KCNQ3: variants seen among roughly 807,000 people sequenced by gnomAD.
KCNQ3 encodes potassium voltage-gated channel subfamily Q member 3.
Under a neutral mutation model 92.5 loss-of-function variants are expected in KCNQ3, and 30 were observed. The ratio of observed to expected loss-of-function variants is 0.32; its 90% confidence interval spans 0.24 to 0.44. KCNQ3 has a LOEUF of 0.44. Ranked by LOEUF, KCNQ3 falls within the 20% of genes least tolerant of loss-of-function variation. The pLI is 1.00. For missense variants in KCNQ3, 913 were observed against 1,140.3 expected (o/e 0.80, Z 2.87); for synonymous variants, 450 against 468.8 (o/e 0.96, Z 0.52).
intron 3 of KCNQ3, 54 bp from the exon 4 acceptor site, chr8:132,180,383 A>C (rs1184942622): frequency 6.3e-7 from 1 of 1,595,962 alleles, no homozygotes; most frequent in Non-Finnish European, 8.6e-7. Context: ...AGGTCATGCG[A>C]AAGCAATGGC....
chr8:132,401,848 C>T (rs1042987341), intron 1 of KCNQ3, among the ~76,000 whole-genome samples: 13 of 152,130 alleles, frequency 8.5e-5, no homozygotes, highest in Non-Finnish European at 1.6e-4. Flanking sequence ...ACTGCCCTGA[C>T]GTGGGGAGGG....
chr8:132,150,727 A>G (rs946484477), intron 9 of KCNQ3, among the ~76,000 whole-genome samples: 1 of 152,064 alleles, frequency 6.6e-6, no homozygotes. Flanking sequence ...ATGGAACCCC[A>G]GGAATTAATA....
chr8:132,174,360 A>G lies in KCNQ3; in HGVS notation c.934-11T>C, dbSNP rs1360284043. On this transcript the variant is annotated splice_polypyrimidine_tract_variant and intron_variant, in intron 5 of 14. Coordinates refer to ENST00000388996, the MANE Select transcript of KCNQ3 (RefSeq NM_004519.4). ...GGTGGCCAGTGTGATCTGAAGAGAG[A>G]AGAGTTCAGACATGGAGTACCACAT... The G allele has an allele frequency of 1.3e-6, 2 of 1,534,642 alleles. No homozygotes were observed. Among genetic ancestry groups the G allele is most frequent in the East Asian group, 2.4e-5 (1 of 40,852 alleles).
At chr8:132,319,261 G>A (rs976818668) in intron 1 of KCNQ3, among the ~76,000 whole-genome samples, 5 of 152,134 alleles carry the variant, frequency 3.3e-5, no homozygotes, top group African/African-American at 1.2e-4. Flanking sequence ...GAGAGATTGA[G>A]TAGCTTGTTT....
At chr8:132,372,901 C>A (rs1421867656) in intron 1 of KCNQ3, among the ~76,000 whole-genome samples, 1 of 152,064 alleles carries the variant, frequency 6.6e-6, no homozygotes, top group African/African-American at 2.4e-5. Flanking sequence ...AACTGCAGAG[C>A]TCGGCTCCTG....
At chr8:132,314,346 G>T (rs1817680016) in intron 1 of KCNQ3, among the ~76,000 whole-genome samples, 1 of 152,118 alleles carries the variant, frequency 6.6e-6, no homozygotes, top group Admixed American at 6.5e-5. Flanking sequence ...ACAGACAAAG[G>T]AAAACTATGC....
intron 1 of KCNQ3, among the ~76,000 whole-genome samples, chr8:132,302,004 G>A (rs1817230315): frequency 6.6e-6 from 1 of 152,206 alleles, no homozygotes; most frequent in South Asian, 2.1e-4. Flanking sequence ...TGGGGATATT[G>A]GGAAGCTTCT....
intron 1 of KCNQ3, among the ~76,000 whole-genome samples, chr8:132,428,556 G>A (rs1385450259): frequency 6.6e-6 from 1 of 152,144 alleles, no homozygotes; most frequent in Non-Finnish European, 1.5e-5. Flanking sequence ...CACATACAGA[G>A]AGAGAGAGAG....
At chr8:132,457,584 G>T (rs1255292602) in intron 1 of KCNQ3, among the ~76,000 whole-genome samples, 1 of 152,132 alleles carries the variant, frequency 6.6e-6, no homozygotes, top group Non-Finnish European at 1.5e-5. Context: ...CCCAGACTCT[G>T]ACACCGTTCC....
chr8:132,455,706 T>C (rs1821922881), intron 1 of KCNQ3, among the ~76,000 whole-genome samples: 1 of 152,208 alleles, frequency 6.6e-6, no homozygotes, highest in Non-Finnish European at 1.5e-5. Flanking sequence ...AACTAACTCA[T>C]GTAATCCTCA....
At chr8:132,270,543 C>T (rs77091340) in intron 1 of KCNQ3, among the ~76,000 whole-genome samples, 4 of 152,088 alleles carry the variant, frequency 2.6e-5, no homozygotes, top group Admixed American at 1.3e-4. Context: ...AGTCTGGATT[C>T]GAAAATCTGG....
intron 1 of KCNQ3, among the ~76,000 whole-genome samples, chr8:132,231,523 T>C (rs895904361): frequency 6.6e-6 from 1 of 152,214 alleles, no homozygotes; most frequent in African/African-American, 2.4e-5. Flanking sequence ...CTGATAAGAT[T>C]AGTATTCTTA....
intron 1 of KCNQ3, among the ~76,000 whole-genome samples, chr8:132,322,859 C>A (rs184892962): frequency 6.6e-6 from 1 of 152,276 alleles, no homozygotes; most frequent in African/African-American, 2.4e-5. Context: ...TTGGTGATGA[C>A]CCATCTGAGA....
chr8:132,299,875 G>A (rs1040209379), intron 1 of KCNQ3, among the ~76,000 whole-genome samples: 1 of 152,218 alleles, frequency 6.6e-6, no homozygotes, highest in Non-Finnish European at 1.5e-5. Flanking sequence ...GCCAGGCAAT[G>A]ACAGAAATGG....
At chr8:132,224,533 C>T (rs1206009014) in intron 1 of KCNQ3, among the ~76,000 whole-genome samples, 2 of 152,072 alleles carry the variant, frequency 1.3e-5, no homozygotes, top group African/African-American at 4.8e-5. Context: ...TGAGATCTGA[C>T]TCACAAACTT....
At chr8:132,156,595 A>G (rs1586781006) in intron 9 of KCNQ3, among the ~76,000 whole-genome samples, 2 of 152,220 alleles carry the variant, frequency 1.3e-5, no homozygotes, top group Middle Eastern at 6.8e-3. Flanking sequence ...GGGATAATAC[A>G]ATCTAAATCT....
intron 6 of KCNQ3, 116 bp downstream of exon 6, chr8:132,174,123 T>C (rs760518180): frequency 4.9e-5 from 38 of 775,776 alleles, no homozygotes; most frequent in Non-Finnish European, 8.6e-5. Flanking sequence ...AGGGAATGGC[T>C]AGGGAGTTGG....
chr8:132,297,874 A>G (rs1817093903), intron 1 of KCNQ3, among the ~76,000 whole-genome samples: 1 of 152,234 alleles, frequency 6.6e-6, no homozygotes, highest in Non-Finnish European at 1.5e-5. Context: ...AGTGCATCTT[A>G]AAGGAGAGGA....
chr8:132,401,864 G>A (rs2673601), intron 1 of KCNQ3, among the ~76,000 whole-genome samples: 85,526 of 151,966 alleles, frequency 0.56, 25,696 homozygotes, highest in South Asian at 0.73. Flanking sequence ...GAGGGACAGG[G>A]GCTAACTAGA....
Sources: allele counts gnomAD v4.1 joint callset (sites outside exome capture counted in the v4.1 genomes callset), GRCh38; gene constraint gnomAD v4.1.1; transcripts MANE v1.5; gene names NCBI Gene and HGNC (gene_info 2026-07-23, HGNC 2026-07-21).